SP4: variants seen among roughly 807,000 people sequenced by gnomAD.
SP4 encodes the protein transcription factor Sp4.
SP4 carries 19 observed loss-of-function variants against 72.8 expected under a neutral mutation model. The ratio of observed to expected loss-of-function variants is 0.26; its 90% CI spans 0.18 to 0.38. The LOEUF (loss-of-function observed/expected upper bound fraction) is 0.38, where lower values mean the gene tolerates loss of function less well. Among genes scored for constraint, SP4 ranks in the 10% least tolerant of loss-of-function variants. The pLI, the probability that SP4 is intolerant of heterozygous loss-of-function variation, is 1.00. For missense variants in SP4, 1,008 were observed against 926.3 expected (o/e 1.09, Z -1.14); for synonymous variants, 395 against 333.1 (o/e 1.19, Z -2.02).
At chr7:21,489,722 G>A (rs1784923666) in intron 5 of SP4, among the ~76,000 whole-genome samples, 1 of 151,800 alleles carries the variant, frequency 6.6e-6, no homozygotes, top group Non-Finnish European at 1.5e-5. Context: ...ACCACACCCG[G>A]CTAATTTTTT....
At chr7:21,466,593 C>T (rs1338416860) in intron 3 of SP4, among the ~76,000 whole-genome samples, 1 of 152,158 alleles carries the variant, frequency 6.6e-6, no homozygotes, top group Non-Finnish European at 1.5e-5. Flanking sequence ...ACAGATTGTA[C>T]ATAACCCATA....
At chr7:21,469,540 ATTT>A (rs59458328) in intron 3 of SP4, among the ~76,000 whole-genome samples, 13 of 127,428 alleles carry the variant, frequency 1.0e-4, no homozygotes, top group African/African-American at 2.0e-4. Flanking sequence ...TTTAGTTATA[ATTT>A]TTTTTTTTTT....
At chr7:21,470,559 C>T (rs536151650) in intron 3 of SP4, among the ~76,000 whole-genome samples, 4 of 152,206 alleles carry the variant, frequency 2.6e-5, no homozygotes, top group South Asian at 4.1e-4. Flanking sequence ...TTCCTTTCTA[C>T]GTGTTAGCTT....
intron 3 of SP4, among the ~76,000 whole-genome samples, chr7:21,449,250 T>A (rs962409670): frequency 6.6e-6 from 1 of 152,220 alleles, no homozygotes; most frequent in African/African-American, 2.4e-5. Flanking sequence ...CAATAAAGGA[T>A]CTCGCCAACA....
At chr7:21,495,269 T>C in intron 5 of SP4, among the ~76,000 whole-genome samples, 1 of 152,152 alleles carries the variant, frequency 6.6e-6, no homozygotes, top group East Asian at 1.9e-4. Flanking sequence ...TGCTCTGTGA[T>C]GGATCCTGTT....
intron 3 of SP4, among the ~76,000 whole-genome samples, chr7:21,475,263 T>C (rs546971896): frequency 7.7e-4 from 117 of 151,730 alleles, no homozygotes; most frequent in South Asian, 1.9e-3. Context: ...TACAGGTGTG[T>C]GCTACCACAC....
intron 3 of SP4, among the ~76,000 whole-genome samples, chr7:21,468,356 T>G (rs1027845082): frequency 6.6e-6 from 1 of 152,126 alleles, no homozygotes; most frequent in Admixed American, 6.5e-5. Context: ...TTTGGAAGAA[T>G]TGACACATTT....
intron 3 of SP4, among the ~76,000 whole-genome samples, chr7:21,473,801 AGAGAGG>A (rs1224157700): frequency 3.9e-5 from 6 of 152,218 alleles, no homozygotes; most frequent in African/African-American, 1.4e-4. Flanking sequence ...GAGGGCCAGA[AGAGAGG>A]CCAGTATATC....
At chr7:21,464,128 T>G (rs953657717) in intron 3 of SP4, among the ~76,000 whole-genome samples, 3 of 149,220 alleles carry the variant, frequency 2.0e-5, no homozygotes, top group African/African-American at 7.4e-5. Context: ...CTCTCTTTTT[T>G]TTTTTTTTTT....
chr7:21,464,966 A>G (rs1784123195), intron 3 of SP4, among the ~76,000 whole-genome samples: 3 of 152,206 alleles, frequency 2.0e-5, no homozygotes. Flanking sequence ...TTAGGCAAGT[A>G]TGGTTCAACG....
At chr7:21,500,898 G>A (rs879661894) in intron 5 of SP4, among the ~76,000 whole-genome samples, 4 of 152,034 alleles carry the variant, frequency 2.6e-5, no homozygotes, top group East Asian at 1.9e-4. Flanking sequence ...ACACACATTC[G>A]CCTGTCTGAA....
At chr7:21,456,252 A>G (rs911903435) in intron 3 of SP4, among the ~76,000 whole-genome samples, 3 of 152,216 alleles carry the variant, frequency 2.0e-5, no homozygotes, top group African/African-American at 7.2e-5. Flanking sequence ...TAAGGTCTTT[A>G]AAGGGCCTCA....
intron 3 of SP4, among the ~76,000 whole-genome samples, chr7:21,461,560 A>G (rs1228710315): frequency 6.6e-6 from 1 of 152,060 alleles, no homozygotes; most frequent in Admixed American, 6.5e-5. Context: ...CCAAGCCCAC[A>G]CCCACCCGGA....
intron 3 of SP4, among the ~76,000 whole-genome samples, chr7:21,470,020 G>A (rs1784285203): frequency 6.6e-6 from 1 of 152,120 alleles, no homozygotes; most frequent in African/African-American, 2.4e-5. Context: ...TAAATGATCT[G>A]ACTGCCATAT....
chr7:21,438,797 A>G (rs1318457711), intron 3 of SP4, among the ~76,000 whole-genome samples: 1 of 152,216 alleles, frequency 6.6e-6, no homozygotes, highest in Non-Finnish European at 1.5e-5. Context: ...CTCTTTGTCC[A>G]GTTATACCCT....
rs1784701191 is a variant in SP4, at chr7:21,481,939, A to G, written c.1923A>G (p.Pro641=). 6.2e-7 allele frequency: 1 copy of G among 1,613,928 alleles called. No homozygotes were observed. Among genetic ancestry groups the G allele is most frequent in the East Asian group, 2.2e-5 (1 of 44,866 alleles). ...REGEGRGSNE[P]GKKKQHICHI... ...TTTTTGCTAGAGGCAGTAATGAACCAGGAAAAAAGAAGCAGCATATCTGTC... is the reference window on the plus strand; with the variant it reads ...TTTTTGCTAGAGGCAGTAATGAACCGGGAAAAAAGAAGCAGCATATCTGTC... Residue 641 remains proline (P), a synonymous_variant, in exon 5 of 6, where the codon CCA becomes CCG. Transcript: ENST00000222584.
At chr7:21,501,965 T>A (rs755576349) in intron 5 of SP4, among the ~76,000 whole-genome samples, 4 of 151,506 alleles carry the variant, frequency 2.6e-5, no homozygotes, top group Admixed American at 6.6e-5. Flanking sequence ...GTCCACATTC[T>A]TAATAGTTGA....
At chr7:21,502,269 A>T (rs1018704224) in intron 5 of SP4, among the ~76,000 whole-genome samples, 4 of 152,020 alleles carry the variant, frequency 2.6e-5, no homozygotes, top group Non-Finnish European at 4.4e-5. Context: ...TGGTGTATGG[A>T]GAGCTGAGTA....
In SP4 at chr7:21,472,353, C is replaced by T. The variant is rs117717712; in HGVS notation, c.1679-4726C>T. On this transcript the variant is annotated intron_variant, in intron 3 of 5. Transcript: ENST00000222584. ...AAGTTGAAGTACAGTGGTGCCATCA[C>T]GGCTCACTGAAGTCTTGATCCCCAG... Among the ~76,000 whole-genome samples, 1,075 of 152,122 alleles carry T rather than the reference C, an allele frequency of 7.1e-3. 7 individuals are homozygous for T. The highest frequency in any genetic ancestry group is 0.013 in the Non-Finnish European group (856 of 68,008).
Sources: allele counts gnomAD v4.1 joint callset (sites outside exome capture counted in the v4.1 genomes callset), GRCh38; gene constraint gnomAD v4.1.1; transcripts MANE v1.5; gene names NCBI Gene and HGNC (gene_info 2026-07-23, HGNC 2026-07-21).